Variants in CNOT6L observed in about 807,000 individuals in gnomAD.
CNOT6L encodes CCR4-NOT transcription complex subunit 6 like.
Under a neutral mutation model 64.0 loss-of-function variants are expected in CNOT6L, and 7 were observed. The observed-to-expected ratio is 0.11, with a 90% confidence interval of 0.06 to 0.21. The LOEUF is 0.21. Among genes scored for constraint, CNOT6L ranks in the 10% least tolerant of loss-of-function variants. CNOT6L has a pLI of 1.00. For synonymous variants in CNOT6L, 193 were observed against 243.4 expected, an observed-to-expected ratio of 0.79 and a Z score of 1.93; for missense variants, 245 against 669.0, an observed-to-expected ratio of 0.37 and a Z score of 6.99.
chr4:77,726,373 G>A lies in CNOT6L; in HGVS notation c.1253-4C>T. The A allele has an allele frequency of 6.2e-7, 1 of 1,605,732 alleles. No individual in the cohort carries two copies. The highest frequency in any genetic ancestry group is 8.5e-7 in the Non-Finnish European group (1 of 1,173,886). ...TTGCTTAAGTATTCCACAACACCTG[G>A]TAGAATAAAGAAGAGACACTTCCAT... On this transcript the variant is annotated splice_region_variant and splice_polypyrimidine_tract_variant and intron_variant, in intron 10 of 11. Transcript: ENST00000504123.
chr4:77,816,407 G>T (rs975087786), intron 1 of CNOT6L, among the ~76,000 whole-genome samples: 6 of 152,022 alleles, frequency 3.9e-5, no homozygotes, highest in African/African-American at 1.2e-4. Context: ...TTTAAGGTAA[G>T]AATTATTCCT....
rs147426091 is a variant in CNOT6L at position 77,763,006 on chromosome 4, A to G, written c.401-6055T>C. On this transcript the variant is annotated intron_variant, in intron 4 of 11. Coordinates refer to ENST00000504123, the MANE Select transcript of CNOT6L (RefSeq NM_144571.3). The stretch of plus-strand genomic sequence containing the variant: ...TTTAAAAAAATATATTCAAGGCACC[A>G]TTTCAAGAATAAACACAAGGAGTCT... Among the ~76,000 whole-genome samples the G allele has an allele frequency of 1.9e-3, 293 of 152,294 alleles. 1 individual carries two copies. Among genetic ancestry groups the G allele is most frequent in the East Asian group, 6.2e-3 (32 of 5,188 alleles).
rs368900394 is a variant in CNOT6L, at chr4:77,819,074, A to ACACACACACC, written c.5+229_5+230insGGTGTGTGTG. 1.3e-4 allele frequency: 97 copies of ACACACACACC among 720,016 alleles called. No individual in the cohort carries two copies. In the Middle Eastern group the frequency reaches 2.8e-3, roughly 21 times the overall value. The allele number at this position is 720,016 out of a possible 1,614,324, so 44.6% of individuals were successfully genotyped here. A position where few individuals can be genotyped will look rare whatever the true frequency, so the allele number is the denominator to read the frequency against. ...GACACACACACACACACACACACACACCCCGGAACCTTCGCCCGCCTCTGA... is the reference window on the plus strand; with the variant it reads ...GACACACACACACACACACACACACACACACACACCCCCCGGAACCTTCGCCCGCCTCTGA... On this transcript the variant is annotated intron_variant, in intron 1 of 11. Coordinates refer to ENST00000504123, the MANE Select transcript of CNOT6L (RefSeq NM_144571.3).
chr4:77,811,429 C>A (rs1183249645), intron 1 of CNOT6L, among the ~76,000 whole-genome samples: 1 of 152,014 alleles, frequency 6.6e-6, no homozygotes, highest in Non-Finnish European at 1.5e-5. Context: ...AGCCTGTAGT[C>A]CCAGCTTCTC....
chr4:77,765,120 T>G (rs534907182), intron 4 of CNOT6L, among the ~76,000 whole-genome samples: 1 of 152,262 alleles, frequency 6.6e-6, no homozygotes, highest in African/African-American at 2.4e-5. Context: ...AGGATGGCAG[T>G]AAGAGTGACC....
intron 1 of CNOT6L, among the ~76,000 whole-genome samples, chr4:77,785,135 A>G (rs553106381): frequency 1.3e-5 from 2 of 152,338 alleles, no homozygotes; most frequent in East Asian, 1.9e-4. Context: ...ACCCACATAC[A>G]TGGTCAATAG....
chr4:77,722,186 C>T (rs992116474), intron 11 of CNOT6L, among the ~76,000 whole-genome samples: 4 of 152,054 alleles, frequency 2.6e-5, no homozygotes, highest in Non-Finnish European at 5.9e-5. Context: ...TTTTACTTCT[C>T]CTTATGAGAC....
At chr4:77,735,482 G>A (rs2109911967) in intron 8 of CNOT6L, among the ~76,000 whole-genome samples, 1 of 152,206 alleles carries the variant, frequency 6.6e-6, no homozygotes, top group Middle Eastern at 3.4e-3. Context: ...ATTTATAACA[G>A]ATTACCTTTG....
intron 8 of CNOT6L, among the ~76,000 whole-genome samples, chr4:77,741,469 C>T (rs965283339): frequency 3.3e-5 from 5 of 152,160 alleles, no homozygotes; most frequent in African/African-American, 7.2e-5. Context: ...TCAGATGTCA[C>T]GTTTCATTTT....
intron 1 of CNOT6L, among the ~76,000 whole-genome samples, chr4:77,813,531 T>C (rs1378000123): frequency 6.6e-6 from 1 of 152,010 alleles, no homozygotes; most frequent in Non-Finnish European, 1.5e-5. Flanking sequence ...AAGGGACACA[T>C]CTAGAGTATA....
chr4:77,785,942 GGACA>G (rs1729387657), intron 1 of CNOT6L, among the ~76,000 whole-genome samples: 1 of 152,056 alleles, frequency 6.6e-6, no homozygotes, highest in African/African-American at 2.4e-5. Flanking sequence ...GGTGTGGTAG[GGACA>G]GACAAAGCGA....
chr4:77,775,019 G>C (rs1728002486), intron 2 of CNOT6L, among the ~76,000 whole-genome samples: 2 of 152,200 alleles, frequency 1.3e-5, no homozygotes, highest in South Asian at 4.2e-4. Flanking sequence ...AGGCAATTTT[G>C]TTTCCTCAAA....
Position 77,818,878 on chromosome 4 carries a change from G to T in CNOT6L, c.5+426C>A, listed in dbSNP as rs934620492. 190 of 394,562 alleles carry T rather than the reference G, an allele frequency of 4.8e-4. 1 individual carries two copies. Among genetic ancestry groups the T allele is most frequent in the African/African-American group, 3.7e-3 (170 of 45,562 alleles). 24.4% of individuals were successfully genotyped at this position (394,562 alleles called of 1,614,324 possible). On this transcript the variant is annotated intron_variant, in intron 1 of 11. Coordinates refer to ENST00000504123, the MANE Select transcript of CNOT6L (RefSeq NM_144571.3). ...GGGAACGGCGGCCCCGGGATCAGCGGCGCGGCACCGACCAGCAGCTCTCCC... is the reference window on the plus strand; with the variant it reads ...GGGAACGGCGGCCCCGGGATCAGCGTCGCGGCACCGACCAGCAGCTCTCCC...
At chr4:77,741,812 C>G (rs1249471017) in intron 8 of CNOT6L, among the ~76,000 whole-genome samples, 1 of 151,998 alleles carries the variant, frequency 6.6e-6, no homozygotes, top group East Asian at 1.9e-4. Context: ...TCACTTATGG[C>G]CAACCTTAAA....
At chr4:77,721,667 T>C (rs1721293291) in intron 11 of CNOT6L, among the ~76,000 whole-genome samples, 1 of 152,174 alleles carries the variant, frequency 6.6e-6, no homozygotes, top group Non-Finnish European at 1.5e-5. Context: ...ACACCAAAAC[T>C]GTTCCTCTTC....
At chr4:77,819,400 CCA>C, upstream of CNOT6L, 1 of 1,605,990 alleles carries the variant, frequency 6.2e-7, no homozygotes. Flanking sequence ...CACCAGGCCC[CCA>C]CAGATGCTTC....
In CNOT6L at chr4:77,779,057, A is replaced by C. The variant is rs1209113860; in HGVS notation, c.6-2665T>G. 8.3e-4 allele frequency among the ~76,000 whole-genome samples: 79 copies of C among 95,628 alleles called. 2 individuals carry two copies. The highest frequency in any genetic ancestry group is 1.4e-3 in the Non-Finnish European group (59 of 43,072). The allele number at this position is 95,628 out of a possible 152,430, so 62.7% of individuals were successfully genotyped here. ...GCGAGACTCTGTCTCAAAAAAAAAAAAAAAACAAAAAAAAAACACAAAAAA... is the reference window on the plus strand; with the variant it reads ...GCGAGACTCTGTCTCAAAAAAAAAACAAAAACAAAAAAAAAACACAAAAAA... On this transcript the variant is annotated intron_variant, in intron 1 of 11. Coordinates refer to ENST00000504123, the MANE Select transcript of CNOT6L (RefSeq NM_144571.3).
intron 1 of CNOT6L, among the ~76,000 whole-genome samples, chr4:77,807,293 A>AAAAAAAAAAAAAAAAAAAAAAAAAAC (rs1553899159): frequency 6.6e-6 from 1 of 150,870 alleles, no homozygotes; most frequent in African/African-American, 2.4e-5. Flanking sequence ...AAAAAAAAAA[A>AAAAAAAAAAAAAAAAAAAAAAAAAAC]TCCTACAATC....
intron 1 of CNOT6L, among the ~76,000 whole-genome samples, chr4:77,779,056 A>AC (rs1448522067): frequency 1.0e-5 from 1 of 95,276 alleles, no homozygotes; most frequent in African/African-American, 3.7e-5. Flanking sequence ...CAAAAAAAAA[A>AC]AAAAAACAAA....
Sources: gnomAD v4.1 joint callset for allele counts (sites outside exome capture counted in the v4.1 genomes callset) on GRCh38, gnomAD v4.1.1 for gene constraint, MANE v1.5 for transcripts, NCBI Gene and HGNC (gene_info 2026-07-23, HGNC 2026-07-21) for gene names.